CTNNA3: variants seen among roughly 807,000 people sequenced by gnomAD.
CTNNA3 encodes the protein catenin alpha 3.
A neutral mutation model predicts 95.7 loss-of-function variants in CTNNA3; 76 were observed. The ratio of observed to expected loss-of-function variants is 0.79; its 90% CI spans 0.66 to 0.96. The LOEUF (loss-of-function observed/expected upper bound fraction) is 0.96, where lower values mean the gene tolerates loss of function less well. Among genes scored for constraint, CTNNA3 ranks in the 40% least tolerant of loss-of-function variants. The pLI is 0.00. For missense variants in CTNNA3, 1,191 were observed against 1,089.8 expected (o/e 1.09, Z -1.31); for synonymous variants, 431 against 374.4 (o/e 1.15, Z -1.74).
At chr10:67,421,821 T>A (rs1845757892) in intron 5 of CTNNA3, among the ~76,000 whole-genome samples, 1 of 152,124 alleles carries the variant, frequency 6.6e-6, no homozygotes, top group African/African-American at 2.4e-5. Flanking sequence ...TTAAAAAAAA[T>A]ACTGATATAA....
chr10:66,060,243 A>G (rs1007643942), intron 15 of CTNNA3, among the ~76,000 whole-genome samples: 2 of 152,046 alleles, frequency 1.3e-5, no homozygotes, highest in African/African-American at 4.8e-5. Context: ...GACAGAATTT[A>G]CCTAAGAGGG....
intron 9 of CTNNA3, among the ~76,000 whole-genome samples, chr10:66,739,507 T>C (rs1033505464): frequency 6.6e-6 from 1 of 152,240 alleles, no homozygotes; most frequent in Non-Finnish European, 1.5e-5. Context: ...GAATTAAGCA[T>C]CCACAGCTAG....
At chr10:66,043,398 C>CT (rs1385019054) in intron 15 of CTNNA3, among the ~76,000 whole-genome samples, 1 of 152,002 alleles carries the variant, frequency 6.6e-6, no homozygotes, top group African/African-American at 2.4e-5. Context: ...TTACTCATGT[C>CT]TTTTTTTAGG....
chr10:65,993,483 A>G (rs1042364310), intron 15 of CTNNA3, among the ~76,000 whole-genome samples: 3 of 152,114 alleles, frequency 2.0e-5, no homozygotes, highest in Non-Finnish European at 4.4e-5. Context: ...TTGTCCTTTT[A>G]TCTTTAATAT....
chr10:66,126,564 C>T (rs2082837999), intron 13 of CTNNA3, among the ~76,000 whole-genome samples: 1 of 152,060 alleles, frequency 6.6e-6, no homozygotes, highest in Non-Finnish European at 1.5e-5. Context: ...GCCAGGGCTC[C>T]TTAGAGAAAT....
At chr10:67,152,604 A>G (rs112553736) in intron 7 of CTNNA3, among the ~76,000 whole-genome samples, 23 of 152,310 alleles carry the variant, frequency 1.5e-4, no homozygotes, top group African/African-American at 5.1e-4. Flanking sequence ...GGCCATATTC[A>G]TCAATGCCTC....
At chr10:66,633,214 A>G (rs1415374161) in intron 9 of CTNNA3, among the ~76,000 whole-genome samples, 2 of 152,204 alleles carry the variant, frequency 1.3e-5, no homozygotes, top group Non-Finnish European at 2.9e-5. Flanking sequence ...CAGCCACGTG[A>G]AAACTTTATT....
chr10:67,580,339 C>A (rs1055206124), intron 3 of CTNNA3, among the ~76,000 whole-genome samples: 3 of 152,006 alleles, frequency 2.0e-5, no homozygotes, highest in Admixed American at 2.0e-4. Flanking sequence ...TTGTTTTTGT[C>A]AGGTTTGTCA....
chr10:66,487,306 G>A (rs377494171), intron 11 of CTNNA3, among the ~76,000 whole-genome samples: 21 of 139,496 alleles, frequency 1.5e-4, no homozygotes, highest in Admixed American at 2.4e-4. Context: ...GGTTCACGCT[G>A]TTCTCCTGCC....
At chr10:66,646,770 A>G (rs1455045522) in intron 9 of CTNNA3, among the ~76,000 whole-genome samples, 1 of 152,120 alleles carries the variant, frequency 6.6e-6, no homozygotes, top group Non-Finnish European at 1.5e-5. Flanking sequence ...TCAGATGGAA[A>G]AGCAGTCACA....
intron 7 of CTNNA3, among the ~76,000 whole-genome samples, chr10:66,987,381 G>A (rs1490759356): frequency 6.6e-6 from 1 of 152,144 alleles, no homozygotes; most frequent in Non-Finnish European, 1.5e-5. Flanking sequence ...ATATTTGAAG[G>A]TAGAGGTGAA....
At chr10:67,696,702 A>G (rs1238472872), upstream of CTNNA3, among the ~76,000 whole-genome samples, 1 of 143,808 alleles carries the variant, frequency 7.0e-6, no homozygotes, top group Non-Finnish European at 1.5e-5. Flanking sequence ...CCATTATTAA[A>G]TTTAAGCCAC....
chr10:67,363,603 A>C (rs1843084018), intron 5 of CTNNA3, among the ~76,000 whole-genome samples: 1 of 152,112 alleles, frequency 6.6e-6, no homozygotes, highest in African/African-American at 2.4e-5. Context: ...AGAGAAGAAC[A>C]AATAGATGCA....
At chr10:66,824,128 G>T (rs1445903685) in intron 7 of CTNNA3, among the ~76,000 whole-genome samples, 1 of 151,808 alleles carries the variant, frequency 6.6e-6, no homozygotes, top group East Asian at 1.9e-4. Flanking sequence ...TATGTATGGG[G>T]TTCTATTCAG....
At position 67,088,770 on chromosome 10, in the gene CTNNA3, T is replaced by C. The variant is rs1857449738; in HGVS notation, c.1047+91547A>G. Among the ~76,000 whole-genome samples the C allele has an allele frequency of 2.0e-5, 3 of 152,040 alleles. No individual in the cohort carries two copies. In the South Asian group the frequency reaches 6.2e-4, roughly 31 times the overall value. On this transcript the variant is annotated intron_variant, in intron 7 of 17. Coordinates refer to ENST00000433211, the MANE Select transcript of CTNNA3 (RefSeq NM_013266.4). Reference sequence around the variant, plus strand: ...ATGTTCCTGCAAAAAATATTTTGTCTCTCATTATTCTCGTTACAGACACTT... The same window carrying C: ...ATGTTCCTGCAAAAAATATTTTGTCCCTCATTATTCTCGTTACAGACACTT...
rs560577434 is a variant in CTNNA3 at position 66,350,861 on chromosome 10, C to G, written c.1732+28291G>C. Among the ~76,000 whole-genome samples, 10 of 152,080 alleles carry G rather than the reference C, an allele frequency of 6.6e-5. No homozygotes were observed. The South Asian group carries it at 2.1e-3, about 32-fold the overall frequency. ...ACTGTAAAGGCAAACAAAGCCTTGT[C>G]TATCCACAGAAGGACTCCTCCAGAT... On this transcript the variant is annotated intron_variant, in intron 12 of 17. Transcript: ENST00000433211.
At chr10:66,348,655 C>T (rs1231446143) in intron 12 of CTNNA3, among the ~76,000 whole-genome samples, 1 of 152,036 alleles carries the variant, frequency 6.6e-6, no homozygotes, top group East Asian at 1.9e-4. Flanking sequence ...AAGAGACATA[C>T]ATTTTAATAA....
intron 17 of CTNNA3, among the ~76,000 whole-genome samples, chr10:65,961,991 C>G (rs1224680851): frequency 2.0e-5 from 3 of 152,110 alleles, no homozygotes; most frequent in Non-Finnish European, 4.4e-5. Context: ...GCTGTCGTAA[C>G]AGTTCTAGAC....
chr10:65,921,901 A>T (rs2133111257), intron 17 of CTNNA3, among the ~76,000 whole-genome samples: 1 of 152,340 alleles, frequency 6.6e-6, no homozygotes, highest in East Asian at 1.9e-4. Flanking sequence ...TTTGGTTCCA[A>T]GTGTCAGAAG....
Sources: gnomAD v4.1 joint callset for allele counts (sites outside exome capture counted in the v4.1 genomes callset) on GRCh38, gnomAD v4.1.1 for gene constraint, MANE v1.5 for transcripts, NCBI Gene and HGNC (gene_info 2026-07-23, HGNC 2026-07-21) for gene names.